ULK4: variants seen among roughly 807,000 people sequenced by gnomAD.
ULK4 encodes unc-51 like kinase 4.
In ULK4, 133 loss-of-function variants were observed where a neutral mutation model predicts 160.6. The observed-to-expected ratio is 0.83, with a 90% CI of 0.72 to 0.96. The LOEUF (loss-of-function observed/expected upper bound fraction) is 0.96, where lower values mean the gene tolerates loss of function less well. ULK4 is among the 40% of genes least tolerant of loss of function. The pLI is 0.00. For missense variants in ULK4, 1,580 were observed against 1,499.5 expected (o/e 1.05, Z -0.89); for synonymous variants, 534 against 539.8 (o/e 0.99, Z 0.15).
chr3:41,642,304 G>A (rs188624397), intron 30 of ULK4, among the ~76,000 whole-genome samples: 2 of 151,788 alleles, frequency 1.3e-5, no homozygotes, highest in Admixed American at 6.6e-5. Context: ...TCGTCATTTA[G>A]CATTAGGTAT....
intron 2 of ULK4, among the ~76,000 whole-genome samples, chr3:41,948,475 A>T (rs1700181555): frequency 6.6e-6 from 1 of 152,074 alleles, no homozygotes; most frequent in African/African-American, 2.4e-5. Context: ...AGTGTTTATT[A>T]AGTGTCAGGC....
At chr3:41,655,641 A>T (rs1260894862) in intron 30 of ULK4, among the ~76,000 whole-genome samples, 1 of 152,156 alleles carries the variant, frequency 6.6e-6, no homozygotes, top group East Asian at 1.9e-4. Flanking sequence ...TTGGAGTTCA[A>T]GGCTGCAGTA....
At position 41,705,451 on chromosome 3, in the gene ULK4, A is replaced by G. The variant is rs142689258; in HGVS notation, c.2635-146T>C. 2.8e-3 allele frequency: 1,223 copies of G among 433,260 alleles called. 15 individuals carry two copies. Among genetic ancestry groups the G allele is most frequent in the Non-Finnish European group, 2.0e-3 (492 of 251,574 alleles). 26.8% of individuals were successfully genotyped at this position (433,260 alleles called of 1,614,324 possible). On this transcript the variant is annotated intron_variant, in intron 25 of 36. Transcript: ENST00000301831. ...AATACTCTATACATATTATATTATT[A>G]TAGTTACAAAAGTATATTAAATAAT...
chr3:41,422,524 T>C (rs998815365), intron 34 of ULK4, among the ~76,000 whole-genome samples: 2 of 152,196 alleles, frequency 1.3e-5, no homozygotes, highest in East Asian at 1.9e-4. Context: ...TGTAAAATCA[T>C]CTACTTCTCT....
At chr3:41,267,022 G>T (rs1220740622) in intron 35 of ULK4, among the ~76,000 whole-genome samples, 5 of 144,876 alleles carry the variant, frequency 3.5e-5, no homozygotes, top group Admixed American at 6.8e-5. Context: ...CTCTATTGGG[G>T]GGGGGGGGTT....
chr3:41,618,036 C>G (rs2033062951), intron 30 of ULK4, among the ~76,000 whole-genome samples: 1 of 151,746 alleles, frequency 6.6e-6, no homozygotes, highest in African/African-American at 2.4e-5. Flanking sequence ...GATGGAAGAT[C>G]AATTTACTGA....
chr3:41,398,023 C>A, intron 35 of ULK4, 56 bp downstream of exon 35: 3 of 1,554,418 alleles, frequency 1.9e-6, no homozygotes, highest in South Asian at 1.2e-5. Flanking sequence ...TACTCACTGT[C>A]CATGTCGCTG....
chr3:41,323,818 C>G (rs1333018856), intron 35 of ULK4, among the ~76,000 whole-genome samples: 1 of 151,960 alleles, frequency 6.6e-6, no homozygotes, highest in South Asian at 2.1e-4. Context: ...TTAAAAGCAC[C>G]AAGGCATAGA....
At chr3:41,949,337 A>ACAC (rs1485286785) in intron 2 of ULK4, among the ~76,000 whole-genome samples, 31 of 150,528 alleles carry the variant, frequency 2.1e-4, no homozygotes, top group Admixed American at 5.9e-4. Flanking sequence ...CACACACACA[A>ACAC]AAAGTAAAGT....
intron 19 of ULK4, among the ~76,000 whole-genome samples, chr3:41,814,387 G>A (rs2040904747): frequency 6.6e-6 from 1 of 152,154 alleles, no homozygotes; most frequent in African/African-American, 2.4e-5. Flanking sequence ...AGAGAAAGAT[G>A]TATGCATGAT....
chr3:41,323,735 G>A (rs2125733358), intron 35 of ULK4, among the ~76,000 whole-genome samples: 1 of 152,154 alleles, frequency 6.6e-6, no homozygotes, highest in East Asian at 1.9e-4. Flanking sequence ...GTAAAAAGCA[G>A]ACACAGTGTA....
At chr3:41,759,186 TAAG>T (rs1451313572) in intron 21 of ULK4, among the ~76,000 whole-genome samples, 2 of 151,974 alleles carry the variant, frequency 1.3e-5, no homozygotes, top group African/African-American at 4.8e-5. Flanking sequence ...ATAGCCAGTA[TAAG>T]AAGAAAAATA....
At chr3:41,639,061 C>T (rs1174800842) in intron 30 of ULK4, among the ~76,000 whole-genome samples, 3 of 152,194 alleles carry the variant, frequency 2.0e-5, no homozygotes, top group Non-Finnish European at 2.9e-5. Context: ...TATCAAGGAA[C>T]TGACTCTCTC....
chr3:41,480,080 G>A (rs562352537), intron 32 of ULK4, among the ~76,000 whole-genome samples: 67 of 151,962 alleles, frequency 4.4e-4, no homozygotes, highest in African/African-American at 1.4e-3. Flanking sequence ...GGTGGCGGGC[G>A]CCTGTAGTCC....
rs561947307 is a variant in ULK4, at chr3:41,337,183, C to T, written c.3678+60896G>A. On this transcript the variant is annotated intron_variant, in intron 35 of 36. Coordinates refer to ENST00000301831, the MANE Select transcript of ULK4 (RefSeq NM_017886.4). The stretch of plus-strand genomic sequence containing the variant: ...TATATTCCTCAAATTATGATGATTG[C>T]ATTTTATATTGAATTTTATATTTCT... Among the ~76,000 whole-genome samples, 9 of 152,212 alleles carry T rather than the reference C, an allele frequency of 5.9e-5. No homozygotes were observed. The South Asian group carries it at 1.7e-3, about 28-fold the overall frequency.
rs148128900 is a variant in ULK4 at position 41,704,638 on chromosome 3, C to T, written c.2781+419G>A. 1.2e-3 allele frequency among the ~76,000 whole-genome samples: 187 copies of T among 152,172 alleles called. 2 individuals are homozygous for T. The highest frequency in any genetic ancestry group is 4.2e-3 in the African/African-American group (175 of 41,512). On this transcript the variant is annotated intron_variant, in intron 27 of 36. Transcript: ENST00000301831. ...TTTGGTTGTCATAACTGAAGGGAGA[C>T]GGAGTGGGGCTACCAGCATCTACTG...
intron 34 of ULK4, among the ~76,000 whole-genome samples, chr3:41,432,663 A>G (rs2082939198): frequency 6.6e-6 from 1 of 152,218 alleles, no homozygotes; most frequent in Admixed American, 6.5e-5. Context: ...ACTGCTCCCA[A>G]TTACTTAATG....
Position 41,663,520 on chromosome 3 carries a change from G to A in ULK4, c.3071+87C>T, listed in dbSNP as rs2035253119. ...TGACAACTCAAACATTAGTCTTTTGGAATCTCATCTTTAATAACATTTTCA... is the reference window on the plus strand; with the variant it reads ...TGACAACTCAAACATTAGTCTTTTGAAATCTCATCTTTAATAACATTTTCA... On this transcript the variant is annotated intron_variant, in intron 30 of 36. Transcript: ENST00000301831. 5.6e-6 allele frequency: 7 copies of A among 1,243,548 alleles called. No homozygotes were observed. The South Asian group carries it at 8.9e-5, about 16-fold the overall frequency. The allele number at this position is 1,243,548 out of a possible 1,614,324, so 77.0% of individuals were successfully genotyped here.
At chr3:41,898,223 G>A (rs1464085396) in intron 14 of ULK4, among the ~76,000 whole-genome samples, 1 of 152,196 alleles carries the variant, frequency 6.6e-6, no homozygotes, top group Non-Finnish European at 1.5e-5. Context: ...ATAGGACTGG[G>A]CAGCCCAGAC....
Sources: gnomAD v4.1 joint callset for allele counts (sites outside exome capture counted in the v4.1 genomes callset) on GRCh38, gnomAD v4.1.1 for gene constraint, MANE v1.5 for transcripts, NCBI Gene and HGNC (gene_info 2026-07-23, HGNC 2026-07-21) for gene names.